NCS1: variants seen among roughly 807,000 people sequenced by gnomAD.
The protein encoded by NCS1 is neuronal calcium sensor 1.
A neutral mutation model predicts 28.4 loss-of-function variants in NCS1; 6 were observed. The observed-to-expected ratio is 0.21, with a 90% CI of 0.12 to 0.42. The LOEUF is 0.42. Among genes scored for constraint, NCS1 ranks in the 10% least tolerant of loss-of-function variants. NCS1 has a pLI of 1.00. For missense variants in NCS1, 131 were observed against 241.4 expected, an observed-to-expected ratio of 0.54 and a Z score of 3.03; for synonymous variants, 86 against 99.3, an observed-to-expected ratio of 0.87 and a Z score of 0.79.
chr9:130,204,246 C>A (rs1832996827), intron 2 of NCS1, among the ~76,000 whole-genome samples: 1 of 152,016 alleles, frequency 6.6e-6, no homozygotes, highest in Non-Finnish European at 1.5e-5. Context: ...ATCTGCCCTC[C>A]TCGGCCTCCC....
chr9:130,183,778 CCTTTT>C (rs1263989210), intron 1 of NCS1, among the ~76,000 whole-genome samples: 8 of 149,170 alleles, frequency 5.4e-5, no homozygotes, highest in Admixed American at 2.0e-4. Context: ...TTCCTTCCTT[CCTTTT>C]CTTTTCCCTT....
intron 2 of NCS1, among the ~76,000 whole-genome samples, chr9:130,207,454 C>T (rs971501492): frequency 1.3e-5 from 2 of 152,230 alleles, no homozygotes; most frequent in African/African-American, 4.8e-5. Context: ...AGACTGTGGC[C>T]TCCAGTCTCG....
chr9:130,208,923 G>A (rs774036298), intron 2 of NCS1, among the ~76,000 whole-genome samples: 18 of 152,096 alleles, frequency 1.2e-4, no homozygotes, highest in South Asian at 2.1e-4. Context: ...CTCTGCCTCC[G>A]TGGTCCTGAA....
intron 2 of NCS1, 103 bp from the exon 3 acceptor site, chr9:130,217,729 C>A: frequency 6.5e-7 from 1 of 1,549,660 alleles, no homozygotes; most frequent in Non-Finnish European, 8.9e-7. Flanking sequence ...TCTCTTTGAA[C>A]AAGGAGCCAC....
chr9:130,178,245 G>A (rs1832602584), intron 1 of NCS1, among the ~76,000 whole-genome samples: 2 of 152,202 alleles, frequency 1.3e-5, no homozygotes, highest in African/African-American at 4.8e-5. Flanking sequence ...CAGGTGGCCT[G>A]TGGCCACCCC....
At chr9:130,183,494 T>A (rs1290487006) in intron 1 of NCS1, among the ~76,000 whole-genome samples, 1 of 152,126 alleles carries the variant, frequency 6.6e-6, no homozygotes, top group Non-Finnish European at 1.5e-5. Flanking sequence ...AAGGCAGAAA[T>A]AGCACTCTGC....
rs536842412 is a variant in NCS1 at position 130,192,668 on chromosome 9, G to A, written c.65-8290G>A. Among the ~76,000 whole-genome samples the A allele has an allele frequency of 4.5e-4, 69 of 152,174 alleles. No individual in the cohort carries two copies. The highest frequency in any genetic ancestry group is 1.6e-3 in the African/African-American group (66 of 41,510). On this transcript the variant is annotated intron_variant, in intron 1 of 7. Transcript: ENST00000372398. This position sits in a 1 kb window ranked among gnomAD's most constrained non-coding sequence, Gnocchi z 4.8. ...CCCAGGAACACCAGCATATATCCCCGGGGCCTTCTGAAATCACCTGATGCT... is the reference window on the plus strand; with the variant it reads ...CCCAGGAACACCAGCATATATCCCCAGGGCCTTCTGAAATCACCTGATGCT...
chr9:130,224,135 C>G (rs1331087869), intron 6 of NCS1, among the ~76,000 whole-genome samples: 1 of 150,548 alleles, frequency 6.6e-6, no homozygotes, highest in Admixed American at 6.6e-5. Context: ...CGTGAGCCAC[C>G]GTGCCTGGCC....
intron 2 of NCS1, among the ~76,000 whole-genome samples, chr9:130,210,756 C>A (rs1833102085): frequency 1.3e-5 from 2 of 152,020 alleles, no homozygotes; most frequent in African/African-American, 4.8e-5. Flanking sequence ...GGGGCAGGAT[C>A]AAGCCAGGAC....
At position 130,236,845 on chromosome 9, in the gene NCS1, T is replaced by C. The variant is rs968034653; in HGVS notation, c.*3873T>C. ...ACTTTGCGCAAGTCAGTTCTGCTCA[T>C]TGGGTCTCAATTTCCCCATCCCTTG... On this transcript the variant is annotated 3_prime_UTR_variant, in exon 8 of 8. Transcript: ENST00000372398. The C allele has an allele frequency of 6.6e-6, 1 of 152,138 alleles. No individual in the cohort carries two copies. Among genetic ancestry groups the C allele is most frequent in the Non-Finnish European group, 1.5e-5 (1 of 68,024 alleles). The allele number at this position is 152,138 out of a possible 1,614,324, so 9.4% of individuals were successfully genotyped here.
chr9:130,212,835 T>G (rs1177258024), intron 2 of NCS1, among the ~76,000 whole-genome samples: 1 of 152,054 alleles, frequency 6.6e-6, no homozygotes, highest in African/African-American at 2.4e-5. Flanking sequence ...TGCAGCTGCT[T>G]CAGGGGGTCC....
chr9:130,193,835 G>A (rs1399456004), intron 1 of NCS1: 2 of 152,654 alleles, frequency 1.3e-5, no homozygotes, highest in African/African-American at 4.8e-5. Context: ...GTGATCAAAG[G>A]TGTCAGGACC....
In NCS1 at chr9:130,236,904, G is replaced by A. The variant is rs191248234; in HGVS notation, c.*3932G>A. The A allele has an allele frequency of 1.3e-5, 2 of 152,174 alleles. No homozygotes were observed. The highest frequency in any genetic ancestry group is 4.1e-4 in the South Asian group (2 of 4,828). 9.4% of individuals were successfully genotyped at this position (152,174 alleles called of 1,614,324 possible). On this transcript the variant is annotated 3_prime_UTR_variant, in exon 8 of 8. Coordinates refer to ENST00000372398, the MANE Select transcript of NCS1 (RefSeq NM_014286.4). ...CAAGAGTCTCTGCTGGGCCTGCCTC[G>A]CAGGGGCCTGGTGAGACCCAAATGT...
At chr9:130,218,368 T>C (rs533708669) in intron 3 of NCS1, among the ~76,000 whole-genome samples, 1 of 152,296 alleles carries the variant, frequency 6.6e-6, no homozygotes, top group Non-Finnish European at 1.5e-5. Flanking sequence ...AATGCACACA[T>C]ATGCACACAA....
chr9:130,176,141 T>A (rs935918354), intron 1 of NCS1, among the ~76,000 whole-genome samples: 2 of 35,042 alleles, frequency 5.7e-5, no homozygotes, highest in East Asian at 1.9e-3. Flanking sequence ...TTGTTCATTT[T>A]CTTTCTTTCT....
chr9:130,183,908 C>T (rs534113816), intron 1 of NCS1, among the ~76,000 whole-genome samples: 1 of 151,568 alleles, frequency 6.6e-6, no homozygotes, highest in Non-Finnish European at 1.5e-5. Context: ...CTCCCGGGTT[C>T]ACGCCATTCT....
chr9:130,172,681 C>T lies in NCS1; in HGVS notation c.18C>T (p.Ser6=), dbSNP rs1832499157. The change falls in exon 1 of 8, where the codon AGC becomes AGT. Residue 6 remains serine, a synonymous_variant. Transcript: ENST00000372398. The stretch of plus-strand genomic sequence containing the variant: ...CGCCGAGGATGGGGAAATCCAACAG[C>T]AAGTTGAAGCCCGAAGTTGTGGAGG... MGKSN[S]KLKPEVVEEL... 3 of 1,507,516 alleles carry T rather than the reference C, an allele frequency of 2.0e-6. No homozygotes were observed. The highest frequency in any genetic ancestry group is 8.9e-7 in the Non-Finnish European group (1 of 1,122,290). The allele number at this position is 1,507,516 out of a possible 1,614,324, so 93.4% of individuals were successfully genotyped here. A position where few individuals can be genotyped will look rare whatever the true frequency, so the allele number is the denominator to read the frequency against.
At position 130,215,388 on chromosome 9, in the gene NCS1, C is replaced by G. The variant is rs1833167523; in HGVS notation, c.90-2444C>G. Among the ~76,000 whole-genome samples, 1 of 152,152 alleles carries G rather than the reference C, an allele frequency of 6.6e-6. No individual in the cohort carries two copies. Among genetic ancestry groups the G allele is most frequent in the East Asian group, 1.9e-4 (1 of 5,180 alleles). ...ATCCGTGTGCTTTGCTTCCTTCTTG[C>G]TTGGCCAATCCAAGCAGGGGCTCAG... is the stretch of plus-strand genomic sequence containing the variant. On this transcript the variant is annotated intron_variant, in intron 2 of 7. Coordinates refer to ENST00000372398, the MANE Select transcript of NCS1 (RefSeq NM_014286.4). The surrounding 1 kb of genome is among the most constrained non-coding windows in gnomAD (Gnocchi z 4.2).
rs553354843 is a variant in NCS1 at position 130,222,081 on chromosome 9, A to AAT, written c.308-560_308-559dup. Among the ~76,000 whole-genome samples the AAT allele has an allele frequency of 1.1e-4, 12 of 104,930 alleles. 1 individual carries two copies. The highest frequency in any genetic ancestry group is 4.6e-4 in the African/African-American group (12 of 26,366). 68.8% of individuals were successfully genotyped at this position (104,930 alleles called of 152,430 possible). A position where few individuals can be genotyped will look rare whatever the true frequency, so the allele number is the denominator to read the frequency against. On this transcript the variant is annotated intron_variant, in intron 4 of 7. Coordinates refer to ENST00000372398, the MANE Select transcript of NCS1 (RefSeq NM_014286.4). Reference sequence around the variant, plus strand: ...CATAAATATAAATTATGTATCTATAAATATATATATGTGTGTGTGTATATA... The same window carrying AAT: ...CATAAATATAAATTATGTATCTATAAATATATATATATGTGTGTGTGTATATA...
Sources: allele counts gnomAD v4.1 joint callset (sites outside exome capture counted in the v4.1 genomes callset), GRCh38; gene constraint gnomAD v4.1.1; non-coding constraint Gnocchi (gnomAD v3.1); transcripts MANE v1.5; gene names NCBI Gene and HGNC (gene_info 2026-07-23, HGNC 2026-07-21).